The following ZNF609 variants were observed in gnomAD, a reference collection of about 807,000 sequenced individuals.
ZNF609 encodes zinc finger protein 609.
A neutral mutation model predicts 109.5 loss-of-function variants in ZNF609; 11 were observed. The ratio of observed to expected loss-of-function variants is 0.10; its 90% confidence interval spans 0.06 to 0.17. The LOEUF (loss-of-function observed/expected upper bound fraction) is 0.17. ZNF609 is among the 10% of genes least tolerant of loss of function. ZNF609 has a pLI of 1.00. For synonymous variants in ZNF609, 646 were observed against 662.0 expected, an observed-to-expected ratio of 0.98 and a Z score of 0.37; for missense variants, 1,559 against 1,772.4, an observed-to-expected ratio of 0.88 and a Z score of 2.16.
intron 3 of ZNF609, among the ~76,000 whole-genome samples, chr15:64,633,834 T>C (rs756493688): frequency 3.3e-5 from 5 of 151,218 alleles, no homozygotes; most frequent in Admixed American, 3.3e-4. Context: ...TGAGCCGAGA[T>C]AGTGCCACTG....
intron 2 of ZNF609, among the ~76,000 whole-genome samples, chr15:64,568,526 C>G (rs1296208023): frequency 1.3e-5 from 2 of 152,140 alleles, no homozygotes; most frequent in Non-Finnish European, 2.9e-5. Context: ...TTCTGATATT[C>G]TGATGATTTC....
intron 2 of ZNF609, among the ~76,000 whole-genome samples, chr15:64,546,964 G>A (rs1333265443): frequency 6.6e-6 from 1 of 151,200 alleles, no homozygotes; most frequent in Non-Finnish European, 1.5e-5. Context: ...CTAAATTTTT[G>A]TATTTTTAGT....
At chr15:64,560,293 G>C (rs533710290) in intron 2 of ZNF609, among the ~76,000 whole-genome samples, 30 of 151,702 alleles carry the variant, frequency 2.0e-4, no homozygotes, top group Non-Finnish European at 7.4e-5. Context: ...TGATCTGCCC[G>C]CCTCGGCCTC....
Position 64,482,285 on chromosome 15 carries a change from G to A in ZNF609, c.-127-17008G>A, listed in dbSNP as rs528608424. ...TTAAAAGTTTTTTTCTGATTGGAAC[G>A]TGAATAAATCCTCTAGAAAGTACAG... On this transcript the variant is annotated intron_variant, in intron 1 of 9. Coordinates refer to ENST00000326648, the MANE Select transcript of ZNF609 (RefSeq NM_015042.2). Among the ~76,000 whole-genome samples, 336 of 152,106 alleles carry A rather than the reference G, an allele frequency of 2.2e-3. 2 individuals carry two copies. The highest frequency in any genetic ancestry group is 4.1e-3 in the Non-Finnish European group (281 of 67,994).
At chr15:64,549,251 C>T (rs916549690) in intron 2 of ZNF609, among the ~76,000 whole-genome samples, 18 of 152,068 alleles carry the variant, frequency 1.2e-4, no homozygotes, top group African/African-American at 2.4e-4. Context: ...AGTGCAATGG[C>T]GCAATCTTGG....
At chr15:64,565,969 C>T (rs1894770112) in intron 2 of ZNF609, among the ~76,000 whole-genome samples, 2 of 152,106 alleles carry the variant, frequency 1.3e-5, no homozygotes, top group African/African-American at 2.4e-5. Context: ...CCACATCAAC[C>T]TCTTGAGTAG....
intron 2 of ZNF609, among the ~76,000 whole-genome samples, chr15:64,557,091 A>G (rs1441358078): frequency 2.0e-5 from 3 of 152,094 alleles, no homozygotes; most frequent in Non-Finnish European, 4.4e-5. Flanking sequence ...ACAGACTATT[A>G]GTTTGAAATT....
rs750194345 is a variant in ZNF609, at chr15:64,473,535, T to C, written c.-128+12697T>C. Among the ~76,000 whole-genome samples, 11 of 151,992 alleles carry C rather than the reference T, an allele frequency of 7.2e-5. 1 individual carries two copies. Among genetic ancestry groups the C allele is most frequent in the Middle Eastern group, 3.4e-3 (1 of 294 alleles). On this transcript the variant is annotated intron_variant, in intron 1 of 9. Coordinates refer to ENST00000326648, the MANE Select transcript of ZNF609 (RefSeq NM_015042.2). ...TTTTTTTCGTCCTCACCACCTCATC[T>C]GAATCATTCACCAAATTACGTATCT...
At chr15:64,604,248 G>T (rs1024494100) in intron 2 of ZNF609, among the ~76,000 whole-genome samples, 50 of 152,184 alleles carry the variant, frequency 3.3e-4, no homozygotes, top group African/African-American at 1.1e-3. Context: ...TCCAGAAAAA[G>T]AATGCTTACT....
intron 3 of ZNF609, among the ~76,000 whole-genome samples, chr15:64,667,358 C>A (rs1896664756): frequency 6.6e-6 from 1 of 152,150 alleles, no homozygotes; most frequent in Non-Finnish European, 1.5e-5. Flanking sequence ...TGGCCGTAGA[C>A]AAACAAAAGC....
intron 2 of ZNF609, among the ~76,000 whole-genome samples, chr15:64,606,611 G>T (rs1895606900): frequency 6.6e-6 from 1 of 150,748 alleles, no homozygotes; most frequent in South Asian, 2.1e-4. Flanking sequence ...GGATCTCACT[G>T]TGTTCCCCAG....
chr15:64,638,245 C>G (rs1025647421), intron 3 of ZNF609, among the ~76,000 whole-genome samples: 2 of 151,564 alleles, frequency 1.3e-5, no homozygotes, highest in African/African-American at 4.8e-5. Context: ...GGGTTCTCTT[C>G]TGTTCCATTT....
At chr15:64,636,219 C>A (rs879945509) in intron 3 of ZNF609, among the ~76,000 whole-genome samples, 31 of 152,158 alleles carry the variant, frequency 2.0e-4, no homozygotes, top group Non-Finnish European at 4.4e-4. Flanking sequence ...CCCTGCTACT[C>A]ACTAATTGCT....
At chr15:64,657,930 G>A (rs1189006720) in intron 3 of ZNF609, among the ~76,000 whole-genome samples, 1 of 151,890 alleles carries the variant, frequency 6.6e-6, no homozygotes, top group East Asian at 1.9e-4. Flanking sequence ...TTCCTTTACA[G>A]ATCATCAGTT....
intron 1 of ZNF609, among the ~76,000 whole-genome samples, chr15:64,473,868 A>G (rs1346263313): frequency 1.3e-5 from 2 of 151,650 alleles, no homozygotes; most frequent in African/African-American, 4.8e-5. Context: ...TCTGCCGCCC[A>G]GGTTCAAGCA....
chr15:64,557,968 G>A (rs1208768464), intron 2 of ZNF609, among the ~76,000 whole-genome samples: 1 of 152,156 alleles, frequency 6.6e-6, no homozygotes, highest in East Asian at 1.9e-4. Flanking sequence ...ACAGGCGTGA[G>A]CCACCGCGCC....
At chr15:64,578,105 A>G (rs985120603) in intron 2 of ZNF609, among the ~76,000 whole-genome samples, 1 of 152,054 alleles carries the variant, frequency 6.6e-6, no homozygotes, top group African/African-American at 2.4e-5. Flanking sequence ...AAAGGAAAAG[A>G]TTGATAGATT....
At chr15:64,539,935 C>T (rs1461105172) in intron 2 of ZNF609, among the ~76,000 whole-genome samples, 2 of 152,176 alleles carry the variant, frequency 1.3e-5, no homozygotes, top group African/African-American at 4.8e-5. Context: ...CTGCGCCCAG[C>T]CTTTTTTCCT....
intron 3 of ZNF609, 104 bp downstream of exon 3, chr15:64,623,156 C>A: frequency 8.5e-7 from 1 of 1,170,880 alleles, no homozygotes; most frequent in Non-Finnish European, 1.2e-6. Context: ...ATTAGAGTCT[C>A]AAGTGTCCAC....
Sources: gnomAD v4.1 joint callset for allele counts (sites outside exome capture counted in the v4.1 genomes callset) on GRCh38, gnomAD v4.1.1 for gene constraint, MANE v1.5 for transcripts, NCBI Gene and HGNC (gene_info 2026-07-23, HGNC 2026-07-21) for gene names.